FOXP4: variants seen among roughly 807,000 people sequenced by gnomAD.
The protein encoded by FOXP4 is forkhead box protein P4.
In FOXP4, 25 loss-of-function variants were observed where a neutral mutation model predicts 82.6. The observed-to-expected ratio is 0.30, with a 90% CI of 0.22 to 0.42. The LOEUF is 0.42. FOXP4 is among the 10% of genes least tolerant of loss of function. The probability of loss-of-function intolerance (pLI) is 1.00; values close to 1 mark genes in which losing one functional copy is unlikely to be tolerated. For missense variants in FOXP4, 785 were observed against 900.9 expected (o/e 0.87, Z 1.65); for synonymous variants, 415 against 388.2 (o/e 1.07, Z -0.81).
intron 13 of FOXP4, among the ~76,000 whole-genome samples, chr6:41,594,151 C>A (rs1766682847): frequency 6.6e-6 from 1 of 152,196 alleles, no homozygotes; most frequent in South Asian, 2.1e-4. Context: ...CAGATGACCT[C>A]AATTCTTGAA....
At position 41,546,654 on chromosome 6, in the gene FOXP4, C is replaced by T. The variant is rs1434845016; in HGVS notation, c.-230C>T. On this transcript the variant is annotated 5_prime_UTR_variant, in exon 1 of 17. Transcript: ENST00000307972. ...AAGGAAGAGCGGAGCCGGAGCGAGC[C>T]AAGCAGCCCACAAAGTGCCATGCCC... The T allele has an allele frequency of 1.4e-5, 2 of 147,684 alleles. No individual in the cohort carries two copies. Among genetic ancestry groups the T allele is most frequent in the East Asian group, 2.0e-4 (1 of 5,092 alleles). The allele number at this position is 147,684 out of a possible 1,614,324, so 9.1% of individuals were successfully genotyped here.
At chr6:41,573,120 C>T (rs932744785) in intron 2 of FOXP4, among the ~76,000 whole-genome samples, 7 of 152,116 alleles carry the variant, frequency 4.6e-5, no homozygotes, top group Non-Finnish European at 8.8e-5. Context: ...ACGTCCCTGC[C>T]CTCCTGCACA....
chr6:41,598,045 A>T (rs891736763), intron 16 of FOXP4, 95 bp downstream of exon 16: 1 of 880,382 alleles, frequency 1.1e-6, no homozygotes, highest in African/African-American at 3.8e-5. Flanking sequence ...TCCCCATCCC[A>T]CCCCCACCAC....
chr6:41,570,428 T>C (rs1475927776), intron 2 of FOXP4: 1 of 470,514 alleles, frequency 2.1e-6, no homozygotes, highest in African/African-American at 2.0e-5. Context: ...TGGGAGGAGC[T>C]GGGGAGTGCT....
intron 3 of FOXP4, among the ~76,000 whole-genome samples, chr6:41,584,218 G>A (rs1323506463): frequency 4.6e-5 from 7 of 152,262 alleles, no homozygotes; most frequent in African/African-American, 1.7e-4. Flanking sequence ...GGGTGTGTGA[G>A]AGGAGACAAA....
intron 3 of FOXP4, among the ~76,000 whole-genome samples, chr6:41,581,876 A>C (rs1053872247): frequency 1.3e-5 from 2 of 152,260 alleles, no homozygotes; most frequent in Non-Finnish European, 2.9e-5. Flanking sequence ...GGCCCGAGGA[A>C]GGAAAGGCCA....
At chr6:41,552,450 A>C (rs1405052533) in intron 1 of FOXP4, among the ~76,000 whole-genome samples, 1 of 152,110 alleles carries the variant, frequency 6.6e-6, no homozygotes, top group Non-Finnish European at 1.5e-5. Flanking sequence ...GAGGGTGTAG[A>C]GTTGGTCCAC....
intron 6 of FOXP4, 36 bp from the exon 7 acceptor site, chr6:41,587,263 G>A (rs747127172): frequency 2.9e-5 from 46 of 1,609,090 alleles, no homozygotes; most frequent in South Asian, 5.5e-5. Context: ...CCGAGTGTTC[G>A]TGGGGCCCTG....
intron 1 of FOXP4, 106 bp from the exon 2 acceptor site, chr6:41,565,639 T>A (rs930051452): frequency 1.9e-5 from 19 of 1,023,166 alleles, no homozygotes; most frequent in Non-Finnish European, 2.7e-5. Flanking sequence ...GAGAAGTAGA[T>A]GCCCAGCTAC....
At chr6:41,551,589 C>T (rs960317532) in intron 1 of FOXP4, among the ~76,000 whole-genome samples, 11 of 152,186 alleles carry the variant, frequency 7.2e-5, no homozygotes, top group Admixed American at 2.0e-4. Context: ...TCCTTTCCTG[C>T]TGCAGTTCTG....
At chr6:41,585,065 CTT>C (rs1047405379) in intron 4 of FOXP4, among the ~76,000 whole-genome samples, 174 bp downstream of exon 4, 9 of 152,166 alleles carry the variant, frequency 5.9e-5, no homozygotes, top group Non-Finnish European at 2.9e-5. Context: ...TCAGGCATCT[CTT>C]ATGGTGGCCC....
chr6:41,551,233 G>A (rs1361898901), intron 1 of FOXP4, among the ~76,000 whole-genome samples: 3 of 152,254 alleles, frequency 2.0e-5, no homozygotes, highest in Non-Finnish European at 4.4e-5. Flanking sequence ...TGGCACAAAA[G>A]GTACACATCT....
At position 41,590,066 on chromosome 6, in the gene FOXP4, C is replaced by G; in HGVS notation, c.1253C>G (p.Pro418Arg). 1 of 1,613,952 alleles carries G rather than the reference C, an allele frequency of 6.2e-7. No individual in the cohort carries two copies. The highest frequency in any genetic ancestry group is 8.5e-7 in the Non-Finnish European group (1 of 1,179,988). ...CACCCCCCGACCTCGGCCGCAGCCC[C>G]TGTCACCCCTCTACGGCCCCCTGGC... is the stretch of plus-strand genomic sequence containing the variant. The part of the protein sequence containing the change: ...LVHPPTSAAA[P>R]VTPLRPPGLG... Residue 418 changes from proline (P) to arginine (R), a missense_variant, in exon 11 of 17, where the codon CCT (proline) becomes CGT (arginine). This residue lies in a region of FOXP4 where 570 missense variants were observed against 634.0 expected (regional missense o/e 0.90). Transcript: ENST00000307972.
intron 2 of FOXP4, among the ~76,000 whole-genome samples, chr6:41,569,482 G>A (rs1304091161): frequency 6.6e-6 from 1 of 152,228 alleles, no homozygotes; most frequent in African/African-American, 2.4e-5. Context: ...AATGTTCCCA[G>A]TGTGGGGATT....
rs750775706 is a variant in FOXP4 at position 41,584,812 on chromosome 6, C to G, written c.344C>G (p.Pro115Arg). ...ATGATGTCGCCGCAGATGCTTACCCCGCAACAGATGCAGCAGATCCTGTCG... is the reference window on the plus strand; with the variant it reads ...ATGATGTCGCCGCAGATGCTTACCCGGCAACAGATGCAGCAGATCCTGTCG... ...VAMMSPQMLT[P>R]QQMQQILSPP... is the part of the protein sequence containing the mutation. Residue 115 changes from proline (P) to arginine (R), a missense_variant, in exon 4 of 17, where the codon CCG (proline) becomes CGG (arginine). Physicochemically the swap from Pro to Arg is moderately radical, Grantham distance 103. Coordinates refer to ENST00000307972, the MANE Select transcript of FOXP4 (RefSeq NM_001012426.2). 3.1e-6 allele frequency: 5 copies of G among 1,605,716 alleles called. No homozygotes were observed. The highest frequency in any genetic ancestry group is 4.3e-6 in the Non-Finnish European group (5 of 1,176,438).
chr6:41,586,395 G>A (rs1353984107), intron 5 of FOXP4, among the ~76,000 whole-genome samples: 4 of 152,160 alleles, frequency 2.6e-5, no homozygotes, highest in African/African-American at 9.7e-5. Context: ...ACTTGTCAGT[G>A]CCTGTGTGAA....
In FOXP4 at chr6:41,580,226, G is replaced by C. The variant is rs921784420; in HGVS notation, c.300+2145G>C. ...CCAGCTAATTTTGTATTTTTAGTAG[G>C]GTTGTATTTTTAGTAGGTTTTAGTA... is the stretch of plus-strand genomic sequence containing the variant. On this transcript the variant is annotated intron_variant, in intron 3 of 16. Transcript: ENST00000307972. Among the ~76,000 whole-genome samples the C allele has an allele frequency of 5.3e-5, 8 of 151,856 alleles. No individual in the cohort carries two copies. The East Asian group carries it at 7.7e-4, about 15-fold the overall frequency.
chr6:41,587,600 G>A lies in FOXP4; in HGVS notation c.872+88G>A. ...CCCATGAGGGCTGACTGTGAGGGAG[G>A]GGGTGGAGCCCACGGACCGGAGGTT... On this transcript the variant is annotated intron_variant, in intron 7 of 16. Transcript: ENST00000307972. 3.4e-6 allele frequency: 4 copies of A among 1,192,016 alleles called. No homozygotes were observed. In the South Asian group the frequency reaches 4.4e-5, roughly 13 times the overall value. 73.8% of individuals were successfully genotyped at this position (1,192,016 alleles called of 1,614,324 possible). A position where few individuals can be genotyped will look rare whatever the true frequency, so the allele number is the denominator to read the frequency against.
In FOXP4 at chr6:41,588,625, T is replaced by G; in HGVS notation, c.978-19T>G. On this transcript the variant is annotated intron_variant, in intron 8 of 16. Coordinates refer to ENST00000307972, the MANE Select transcript of FOXP4 (RefSeq NM_001012426.2). ...GGAAACCGGAGCCAACTTTCTCTCC[T>G]CCTCTCTTCCCCTTGAAGACACCTC... is the stretch of plus-strand genomic sequence containing the variant. 6.2e-7 allele frequency: 1 copy of G among 1,613,708 alleles called. No homozygotes were observed. The highest frequency in any genetic ancestry group is 8.5e-7 in the Non-Finnish European group (1 of 1,179,672).
Sources: allele counts gnomAD v4.1 joint callset (sites outside exome capture counted in the v4.1 genomes callset), GRCh38; gene constraint gnomAD v4.1.1; regional missense constraint gnomAD v4.1.1; transcripts MANE v1.5; gene names NCBI Gene and HGNC (gene_info 2026-07-23, HGNC 2026-07-21).